ADAM17: variants seen among roughly 807,000 people sequenced by gnomAD.
The protein encoded by ADAM17 is ADAM metallopeptidase domain 17, also known as disintegrin and metalloproteinase domain-containing protein 17.
A neutral mutation model predicts 96.7 loss-of-function variants in ADAM17; 39 were observed. The observed-to-expected ratio is 0.40, with a 90% confidence interval of 0.31 to 0.53. The LOEUF is 0.53. Ranked by LOEUF, ADAM17 falls within the 20% of genes least tolerant of loss-of-function variation. The probability of loss-of-function intolerance (pLI) is 0.44; values close to 1 mark genes in which losing one functional copy is unlikely to be tolerated. For synonymous variants in ADAM17, 344 were observed against 359.2 expected, an observed-to-expected ratio of 0.96 and a Z score of 0.48; for missense variants, 777 against 1,013.2, an observed-to-expected ratio of 0.77 and a Z score of 3.17.
chr2:9,528,235 G>C (rs1664604795), intron 4 of ADAM17, among the ~76,000 whole-genome samples: 1 of 152,164 alleles, frequency 6.6e-6, no homozygotes, highest in African/African-American at 2.4e-5. Context: ...ATGCAGAAGA[G>C]AAAAATGCAT....
chr2:9,522,227 C>T, intron 7 of ADAM17: 1 of 388,212 alleles, frequency 2.6e-6, no homozygotes. Flanking sequence ...AATGAAAAAG[C>T]AAGGTGTAAA....
Position 9,497,237 on chromosome 2 carries a change from C to T in ADAM17, c.1660G>A (p.Glu554Lys). ...GVSYCTGNSS[E>K]CPPPGNAEDD... ...TCAGCATTTCCTGGAGGCGGGCACT[C>T]ACTGCTATTACCTGGAAGCAAACAC... The change falls in exon 14 of 19, where the codon GAG (glutamate) becomes AAG (lysine). Residue 554 changes from glutamate (E) to lysine (K), a missense_variant. Transcript: ENST00000310823. 1 of 1,614,140 alleles carries T rather than the reference C, an allele frequency of 6.2e-7. No homozygotes were observed. The highest frequency in any genetic ancestry group is 1.1e-5 in the South Asian group (1 of 91,078).
chr2:9,540,004 C>T (rs1178027881), intron 2 of ADAM17, among the ~76,000 whole-genome samples: 2 of 149,164 alleles, frequency 1.3e-5, no homozygotes, highest in Admixed American at 1.3e-4. Flanking sequence ...AAATTACATA[C>T]TTCCCTGCTT....
intron 16 of ADAM17, among the ~76,000 whole-genome samples, 187 bp downstream of exon 16, chr2:9,493,560 C>G (rs559788325): frequency 6.6e-6 from 1 of 152,196 alleles, no homozygotes; most frequent in African/African-American, 2.4e-5. Flanking sequence ...TGCATCCAAG[C>G]TCCACGGGGA....
intron 4 of ADAM17, among the ~76,000 whole-genome samples, chr2:9,530,720 T>A (rs1664702096): frequency 6.6e-6 from 1 of 152,200 alleles, no homozygotes; most frequent in Admixed American, 6.5e-5. Flanking sequence ...TTCTCAGGTA[T>A]GTTACTTTTA....
At chr2:9,528,892 G>T (rs527850335) in intron 4 of ADAM17, among the ~76,000 whole-genome samples, 86 of 152,258 alleles carry the variant, frequency 5.6e-4, no homozygotes, top group African/African-American at 2.0e-3. Context: ...CAGTCTGGCA[G>T]GTCCTCAAAG....
In ADAM17 at chr2:9,545,100, T is replaced by C. The variant is rs557051830; in HGVS notation, c.98-1815A>G. On this transcript the variant is annotated intron_variant, in intron 1 of 18. Coordinates refer to ENST00000310823, the MANE Select transcript of ADAM17 (RefSeq NM_003183.6). The stretch of plus-strand genomic sequence containing the variant: ...TTTCATTGTCAATAATATAGCCCAG[T>C]AGTTCTCAAAGTGTAGTTCCCAAAC... 2.6e-5 allele frequency among the ~76,000 whole-genome samples: 4 copies of C among 152,342 alleles called. No individual in the cohort carries two copies. The South Asian group carries it at 6.2e-4, about 24-fold the overall frequency.
chr2:9,515,811 C>T (rs1664030243), intron 10 of ADAM17, among the ~76,000 whole-genome samples: 1 of 151,672 alleles, frequency 6.6e-6, no homozygotes, highest in African/African-American at 2.4e-5. Context: ...TCCATTTTTG[C>T]ATTCCCACTA....
intron 15 of ADAM17, 69 bp from the exon 16 acceptor site, chr2:9,493,894 T>C (rs1296226185): frequency 5.3e-6 from 7 of 1,328,400 alleles, no homozygotes; most frequent in Non-Finnish European, 7.5e-6. Context: ...TGTAGCTTTA[T>C]AAAAATAACT....
chr2:9,513,404 G>A (rs1663850558), intron 10 of ADAM17, among the ~76,000 whole-genome samples: 1 of 152,220 alleles, frequency 6.6e-6, no homozygotes, highest in Non-Finnish European at 1.5e-5. Context: ...AGAGGAGAAT[G>A]TGGAAACCCC....
intron 13 of ADAM17, among the ~76,000 whole-genome samples, chr2:9,501,069 C>CAAA (rs61187930): frequency 0.58 from 87,602 of 151,620 alleles, 26,540 homozygotes; most frequent in African/African-American, 0.69. Context: ...GAGACGTATG[C>CAAA]CCAAATGGAT....
chr2:9,529,748 G>A (rs1664664940), intron 4 of ADAM17, among the ~76,000 whole-genome samples: 1 of 152,156 alleles, frequency 6.6e-6, no homozygotes, highest in Non-Finnish European at 1.5e-5. Flanking sequence ...ATGGTGGGCA[G>A]ATAACTTGAG....
intron 10 of ADAM17, among the ~76,000 whole-genome samples, chr2:9,515,141 T>C (rs570213581): frequency 3.3e-5 from 5 of 152,262 alleles, no homozygotes; most frequent in African/African-American, 1.2e-4. Context: ...TACAGAGTAA[T>C]TACCCTGCTC....
chr2:9,492,996 A>G lies in ADAM17; in HGVS notation c.1994-10T>C, dbSNP rs748071126. 9 of 1,603,744 alleles carry G rather than the reference A, an allele frequency of 5.6e-6. 1 individual carries two copies. In the South Asian group the frequency reaches 1.0e-4, roughly 18 times the overall value. ...TCTGCTAAAAACTTTCCTGTGAACA[A>G]TTCCAAACAGTTAATGTCTTGACCA... On this transcript the variant is annotated splice_polypyrimidine_tract_variant and intron_variant, in intron 16 of 18. Coordinates refer to ENST00000310823, the MANE Select transcript of ADAM17 (RefSeq NM_003183.6).
chr2:9,497,957 A>G (rs1198121074), intron 13 of ADAM17, among the ~76,000 whole-genome samples: 1 of 152,196 alleles, frequency 6.6e-6, no homozygotes, highest in Non-Finnish European at 1.5e-5. Flanking sequence ...GCAATGATCA[A>G]ATCTATTAAG....
chr2:9,520,527 T>C (rs1005902406), intron 8 of ADAM17, among the ~76,000 whole-genome samples: 3 of 152,166 alleles, frequency 2.0e-5, no homozygotes, highest in African/African-American at 7.2e-5. Flanking sequence ...AAAGATAAAT[T>C]GATAAGCTTC....
intron 10 of ADAM17, among the ~76,000 whole-genome samples, chr2:9,516,577 C>A (rs1558511137): frequency 6.6e-6 from 1 of 151,888 alleles, no homozygotes; most frequent in Non-Finnish European, 1.5e-5. Context: ...ATGGTGAAAC[C>A]CTGTCTCTAA....
At chr2:9,524,323 A>G (rs1664434013) in intron 6 of ADAM17, among the ~76,000 whole-genome samples, 1 of 152,006 alleles carries the variant, frequency 6.6e-6, no homozygotes, top group African/African-American at 2.4e-5. Context: ...GAAATTCTCC[A>G]TCTCTACTAA....
chr2:9,520,740 G>T (rs760115026), intron 8 of ADAM17, among the ~76,000 whole-genome samples: 1 of 151,996 alleles, frequency 6.6e-6, no homozygotes, highest in South Asian at 2.1e-4. Context: ...GAGGCAGACG[G>T]ATCATCTGAG....
Sources: allele counts gnomAD v4.1 joint callset (sites outside exome capture counted in the v4.1 genomes callset), GRCh38; gene constraint gnomAD v4.1.1; transcripts MANE v1.5; gene names NCBI Gene and HGNC (gene_info 2026-07-23, HGNC 2026-07-21).